The following ADAMTS17 variants were observed in gnomAD, a reference collection of about 807,000 sequenced individuals.
The protein encoded by ADAMTS17 is ADAM metallopeptidase with thrombospondin type 1 motif 17.
ADAMTS17 carries 113 observed loss-of-function variants against 141.5 expected under a neutral mutation model. The observed-to-expected ratio is 0.80, with a 90% confidence interval of 0.69 to 0.93. The LOEUF is 0.93. Among genes scored for constraint, ADAMTS17 ranks in the 40% least tolerant of loss-of-function variants. ADAMTS17 has a pLI of 0.00. For synonymous variants in ADAMTS17, 768 were observed against 630.6 expected, an observed-to-expected ratio of 1.22 and a Z score of -3.27; for missense variants, 1,659 against 1,517.9, an observed-to-expected ratio of 1.09 and a Z score of -1.54.
chr15:100,187,975 G>A (rs898901790), intron 8 of ADAMTS17, among the ~76,000 whole-genome samples: 3 of 152,166 alleles, frequency 2.0e-5, no homozygotes, highest in Non-Finnish European at 4.4e-5. Flanking sequence ...TCCAAGCAAC[G>A]TAGGAGGCTA....
intron 7 of ADAMTS17, among the ~76,000 whole-genome samples, chr15:100,219,981 A>G (rs1368953075): frequency 6.6e-6 from 1 of 152,194 alleles, no homozygotes; most frequent in East Asian, 1.9e-4. Flanking sequence ...TGAGGCGGGT[A>G]CAATTTTATT....
At chr15:100,164,685 T>C (rs2039876725) in intron 8 of ADAMTS17, among the ~76,000 whole-genome samples, 1 of 152,180 alleles carries the variant, frequency 6.6e-6, no homozygotes, top group Non-Finnish European at 1.5e-5. Flanking sequence ...ATAAGGCAGG[T>C]GGACTGGCGG....
chr15:100,109,259 T>G, intron 13 of ADAMTS17, 143 bp from the exon 14 acceptor site: 16 of 457,224 alleles, frequency 3.5e-5, no homozygotes, highest in Non-Finnish European at 5.1e-5. Flanking sequence ...AGGTACGCGC[T>G]CCAGGAAGCG....
chr15:100,124,532 A>G (rs1205097101), intron 12 of ADAMTS17, among the ~76,000 whole-genome samples: 3 of 152,208 alleles, frequency 2.0e-5, no homozygotes, highest in Admixed American at 2.0e-4. Context: ...ACGGCAATGG[A>G]GATGGCACGG....
At chr15:100,128,276 A>C (rs1428752567) in intron 12 of ADAMTS17, 2 of 152,198 alleles carry the variant, frequency 1.3e-5, no homozygotes, top group Non-Finnish European at 2.9e-5. Flanking sequence ...GCAGGCCCAC[A>C]GCTAGCAGAG....
chr15:100,096,226 G>A (rs2035746982), intron 15 of ADAMTS17, 130 bp downstream of exon 15: 3 of 1,473,730 alleles, frequency 2.0e-6, no homozygotes, highest in Non-Finnish European at 2.8e-6. Context: ...AAATGAAACT[G>A]AAGTTCCAGG....
intron 4 of ADAMTS17, among the ~76,000 whole-genome samples, chr15:100,279,998 C>G (rs373825409): frequency 6.6e-5 from 10 of 152,160 alleles, no homozygotes; most frequent in Non-Finnish European, 1.5e-4. Context: ...CCATCCCCCC[C>G]AGGGCTGGTG....
At chr15:100,129,929 C>T (rs931385885) in intron 12 of ADAMTS17, among the ~76,000 whole-genome samples, 2 of 152,188 alleles carry the variant, frequency 1.3e-5, no homozygotes, top group African/African-American at 4.8e-5. Flanking sequence ...TGACTCCAAA[C>T]CCAGCCCTTT....
intron 15 of ADAMTS17, among the ~76,000 whole-genome samples, chr15:100,062,799 T>C (rs1314282218): frequency 2.1e-4 from 32 of 151,888 alleles, no homozygotes; most frequent in Non-Finnish European, 4.0e-4. Context: ...AGAAGAGGGG[T>C]GCCTGAGGAA....
intron 7 of ADAMTS17, among the ~76,000 whole-genome samples, chr15:100,228,076 A>G (rs76913034): frequency 0.046 from 7,052 of 152,222 alleles, 352 homozygotes; most frequent in African/African-American, 0.12. Context: ...CTTATTTCTC[A>G]CTACTGGGCC....
At chr15:100,141,306 A>G (rs975972677) in intron 10 of ADAMTS17, among the ~76,000 whole-genome samples, 4 of 152,086 alleles carry the variant, frequency 2.6e-5, no homozygotes, top group Non-Finnish European at 5.9e-5. Flanking sequence ...CTTTTCTTCA[A>G]CTGGTGGTGT....
At chr15:100,206,615 C>T (rs568273080) in intron 7 of ADAMTS17, among the ~76,000 whole-genome samples, 57 of 152,300 alleles carry the variant, frequency 3.7e-4, no homozygotes, top group Non-Finnish European at 7.5e-4. Flanking sequence ...CTCCCTCTCC[C>T]TGGGGAAAGC....
chr15:100,019,123 C>G (rs1466953089), intron 18 of ADAMTS17, among the ~76,000 whole-genome samples: 3 of 152,118 alleles, frequency 2.0e-5, no homozygotes, highest in Non-Finnish European at 4.4e-5. Context: ...AAAACGAATG[C>G]CAAAGAGCTA....
chr15:100,241,803 A>G (rs902856846), intron 7 of ADAMTS17, among the ~76,000 whole-genome samples: 30 of 152,278 alleles, frequency 2.0e-4, no homozygotes, highest in African/African-American at 6.5e-4. Flanking sequence ...CTATATGTCA[A>G]TCAAGCTCCC....
intron 7 of ADAMTS17, among the ~76,000 whole-genome samples, chr15:100,209,113 CAAA>C (rs60742726): frequency 3.1e-5 from 3 of 96,950 alleles, no homozygotes; most frequent in Non-Finnish European, 3.8e-5. Context: ...GCCAAGTTAG[CAAA>C]AAAAAAAAAA....
At chr15:100,119,344 G>A (rs940927351) in intron 12 of ADAMTS17, among the ~76,000 whole-genome samples, 4 of 152,198 alleles carry the variant, frequency 2.6e-5, no homozygotes, top group African/African-American at 9.7e-5. Context: ...CAGACTAAGG[G>A]AAAGCAGGGC....
At chr15:100,048,793 C>T in intron 18 of ADAMTS17, 64 bp downstream of exon 18, 1 of 1,612,128 alleles carries the variant, frequency 6.2e-7, no homozygotes, top group Non-Finnish European at 8.5e-7. Flanking sequence ...TATCACTCCC[C>T]ACCACTGATG....
intron 7 of ADAMTS17, among the ~76,000 whole-genome samples, chr15:100,226,930 C>G (rs1225316474): frequency 6.6e-6 from 1 of 152,086 alleles, no homozygotes; most frequent in Non-Finnish European, 1.5e-5. Flanking sequence ...TGTGAGTCAG[C>G]CTAATATTTG....
chr15:100,073,464 G>A lies in ADAMTS17; in HGVS notation c.2138-19410C>T, dbSNP rs914382585. Among the ~76,000 whole-genome samples, 15 of 152,030 alleles carry A rather than the reference G, an allele frequency of 9.9e-5. 1 individual carries two copies. The highest frequency in any genetic ancestry group is 2.2e-4 in the African/African-American group (9 of 41,394). On this transcript the variant is annotated intron_variant, in intron 15 of 21. Coordinates refer to ENST00000268070, the MANE Select transcript of ADAMTS17 (RefSeq NM_139057.4). ...TGCTGTTATAAAGACACATGCACAC[G>A]TATGTTTATTGCGGCACTATTCACA... is the stretch of plus-strand genomic sequence containing the variant.
Sources: allele counts gnomAD v4.1 joint callset (sites outside exome capture counted in the v4.1 genomes callset), GRCh38; gene constraint gnomAD v4.1.1; transcripts MANE v1.5; gene names NCBI Gene and HGNC (gene_info 2026-07-23, HGNC 2026-07-21).